Variants in CDCA2 observed in about 807,000 individuals in gnomAD.
CDCA2 encodes the protein cell division cycle associated 2.
CDCA2 carries 44 observed loss-of-function variants against 67.0 expected under a neutral mutation model. The ratio of observed to expected loss-of-function variants is 0.66; its 90% CI spans 0.52 to 0.84. The LOEUF (loss-of-function observed/expected upper bound fraction) is 0.84. Among genes scored for constraint, CDCA2 ranks in the 40% least tolerant of loss-of-function variants. The pLI, the probability that CDCA2 is intolerant of heterozygous loss-of-function variation, is 0.00. For missense variants in CDCA2, 1,253 were observed against 1,203.2 expected (o/e 1.04, Z -0.61); for synonymous variants, 447 against 418.7 (o/e 1.07, Z -0.82).
Position 25,492,820 on chromosome 8 carries a change from T to G in CDCA2, c.1671+4131T>G, listed in dbSNP as rs187826232. 1.4e-4 allele frequency among the ~76,000 whole-genome samples: 21 copies of G among 152,212 alleles called. No homozygotes were observed. The East Asian group carries it at 4.1e-3, about 29-fold the overall frequency. On this transcript the variant is annotated intron_variant, in intron 13 of 14. Transcript: ENST00000330560. ...TATTAACAATCTAATGATAGGAAAA[T>G]GTAGTTAATAGCAGAAGGTGAAAAG...
rs1403205620 is a variant in CDCA2 at position 25,471,562 on chromosome 8, C to T, written c.820+1582C>T. ...TATTTTCAGTTGAAACAGGGTTTCA[C>T]CATCTTGGCCAGGCTGGTCTTGAAC... is the stretch of plus-strand genomic sequence containing the variant. On this transcript the variant is annotated intron_variant, in intron 7 of 14. Transcript: ENST00000330560. Among the ~76,000 whole-genome samples, 3 of 152,148 alleles carry T rather than the reference C, an allele frequency of 2.0e-5. No homozygotes were observed. The East Asian group carries it at 5.8e-4, about 29-fold the overall frequency.
At chr8:25,464,188 A>G (rs1216237465) in intron 4 of CDCA2, among the ~76,000 whole-genome samples, 1 of 152,188 alleles carries the variant, frequency 6.6e-6, no homozygotes, top group Non-Finnish European at 1.5e-5. Flanking sequence ...CAAAGGAGGG[A>G]GGATCGTTCG....
intron 7 of CDCA2, among the ~76,000 whole-genome samples, chr8:25,475,081 A>C (rs1424076535): frequency 2.0e-5 from 3 of 152,172 alleles, no homozygotes; most frequent in African/African-American, 7.2e-5. Context: ...TGTACCTTTC[A>C]TGGGTAATTG....
intron 4 of CDCA2, among the ~76,000 whole-genome samples, chr8:25,463,522 G>A (rs1020275113): frequency 6.6e-6 from 1 of 151,936 alleles, no homozygotes; most frequent in African/African-American, 2.4e-5. Flanking sequence ...ATACTTGATA[G>A]TCATAATGAA....
At chr8:25,465,443 G>A (rs191327253) in intron 4 of CDCA2, among the ~76,000 whole-genome samples, 4 of 152,062 alleles carry the variant, frequency 2.6e-5, no homozygotes, top group Admixed American at 2.6e-4. Context: ...TTATGTAAAG[G>A]GAACTCTCAA....
At chr8:25,478,285 C>T (rs944919458) in intron 7 of CDCA2, among the ~76,000 whole-genome samples, 2 of 152,152 alleles carry the variant, frequency 1.3e-5, no homozygotes, top group South Asian at 4.1e-4. Flanking sequence ...GCTACTAGGT[C>T]TTCAAAATAT....
chr8:25,499,008 T>C (rs1392690075), intron 13 of CDCA2, among the ~76,000 whole-genome samples: 1 of 152,204 alleles, frequency 6.6e-6, no homozygotes, highest in Non-Finnish European at 1.5e-5. Flanking sequence ...GGATTTGCTT[T>C]AAAATAATCT....
At chr8:25,490,466 G>A (rs913244823) in intron 13 of CDCA2, among the ~76,000 whole-genome samples, 4 of 151,724 alleles carry the variant, frequency 2.6e-5, no homozygotes, top group Non-Finnish European at 4.4e-5. Context: ...GGAGCATGTT[G>A]ACAGATAAAA....
Position 25,507,594 on chromosome 8 carries a change from G to A in CDCA2, c.2928G>A (p.Lys976=), listed in dbSNP as rs2117562466. 3 of 1,614,214 alleles carry A rather than the reference G, an allele frequency of 1.9e-6. No homozygotes were observed. The highest frequency in any genetic ancestry group is 2.5e-6 in the Non-Finnish European group (3 of 1,180,038). The change falls in exon 15 of 15, where the codon AAG becomes AAA. Residue 976 remains lysine, a synonymous_variant. Transcript: ENST00000330560. ...CCGATGAACCTGGTAAGAGGAGGAA[G>A]AGCTTTTGTATATCTACACTTGCAA... ...GSSDEPGKRR[K]SFCISTLANT...
chr8:25,495,882 A>G (rs2117539606), intron 13 of CDCA2, among the ~76,000 whole-genome samples: 1 of 152,334 alleles, frequency 6.6e-6, no homozygotes, highest in East Asian at 1.9e-4. Context: ...ATATTTTTAA[A>G]TCCAACAAAT....
chr8:25,477,680 C>T (rs1803403175), intron 7 of CDCA2, among the ~76,000 whole-genome samples: 2 of 152,298 alleles, frequency 1.3e-5, no homozygotes, highest in Admixed American at 1.3e-4. Flanking sequence ...CTGTTGACTT[C>T]AAATTAAAAT....
rs1408039069 is a variant in CDCA2 at position 25,503,463 on chromosome 8, C to T, written c.1762C>T (p.Pro588Ser). ...YGERDIASKK[P>S]LLSPIPELPE... is the part of the protein sequence containing the mutation. ...GGAAAGAGACATTGCTTCTAAGAAG[C>T]CCCTCCTCAGTCCTATTCCCGAGCT... is the stretch of plus-strand genomic sequence containing the variant. Residue 588 changes from proline to serine, a missense_variant, in exon 14 of 15, where the codon CCC becomes TCC. Transcript: ENST00000330560. The T allele has an allele frequency of 6.2e-7, 1 of 1,613,784 alleles. No homozygotes were observed. Among genetic ancestry groups the T allele is most frequent in the East Asian group, 2.2e-5 (1 of 44,874 alleles).
intron 12 of CDCA2, among the ~76,000 whole-genome samples, chr8:25,487,749 A>C (rs1285473467): frequency 6.6e-6 from 1 of 152,166 alleles, no homozygotes; most frequent in Non-Finnish European, 1.5e-5. Flanking sequence ...CAAAAAAAAA[A>C]CTAATACTTT....
intron 10 of CDCA2, among the ~76,000 whole-genome samples, chr8:25,485,551 C>T (rs1803741381): frequency 6.6e-6 from 1 of 152,132 alleles, no homozygotes; most frequent in Non-Finnish European, 1.5e-5. Flanking sequence ...GTAAGCATTT[C>T]ATTGCAAACA....
At chr8:25,476,115 G>A (rs1310690610) in intron 7 of CDCA2, among the ~76,000 whole-genome samples, 1 of 152,172 alleles carries the variant, frequency 6.6e-6, no homozygotes, top group Non-Finnish European at 1.5e-5. Flanking sequence ...CCAAGGAGGT[G>A]TGTCAACCTC....
At chr8:25,483,516 G>C in intron 9 of CDCA2, 30 bp downstream of exon 9, 1 of 1,490,414 alleles carries the variant, frequency 6.7e-7, no homozygotes, top group Non-Finnish European at 9.3e-7. Context: ...TTTTAAGCTT[G>C]AGGATATCAT....
intron 11 of CDCA2, 88 bp downstream of exon 11, chr8:25,485,925 A>G (rs1469319558): frequency 5.7e-6 from 4 of 701,360 alleles, no homozygotes; most frequent in Admixed American, 6.2e-5. Flanking sequence ...AAAATTTCAT[A>G]TTTGTTACCA....
At chr8:25,467,916 C>G (rs955493226) in intron 5 of CDCA2, among the ~76,000 whole-genome samples, 2 of 151,612 alleles carry the variant, frequency 1.3e-5, no homozygotes, top group African/African-American at 4.8e-5. Context: ...GTCAGGAGTT[C>G]AGACCAGCCT....
At chr8:25,502,489 T>A (rs1007088416) in intron 13 of CDCA2, among the ~76,000 whole-genome samples, 2 of 151,956 alleles carry the variant, frequency 1.3e-5, no homozygotes, top group Admixed American at 6.6e-5. Context: ...CAGACCTTTG[T>A]CTTCCATCTT....
Sources: allele counts gnomAD v4.1 joint callset (sites outside exome capture counted in the v4.1 genomes callset), GRCh38; gene constraint gnomAD v4.1.1; transcripts MANE v1.5; gene names NCBI Gene and HGNC (gene_info 2026-07-23, HGNC 2026-07-21).